Variants in USP6NL observed in about 807,000 individuals in gnomAD.
The protein encoded by USP6NL is USP6 N-terminal like, also known as USP6 N-terminal-like protein.
Under a neutral mutation model 61.9 loss-of-function variants are expected in USP6NL, and 26 were observed. The ratio of observed to expected loss-of-function variants is 0.42; its 90% CI spans 0.31 to 0.58. USP6NL has a LOEUF of 0.58. USP6NL is among the 20% of genes least tolerant of loss of function. The pLI is 0.16. For synonymous variants in USP6NL, 432 were observed against 390.1 expected (o/e 1.11, Z -1.27); for missense variants, 1,114 against 1,034.3 (o/e 1.08, Z -1.06).
intron 2 of USP6NL, among the ~76,000 whole-genome samples, chr10:11,572,988 T>C (rs1837415756): frequency 6.6e-6 from 1 of 152,074 alleles, no homozygotes; most frequent in Admixed American, 6.5e-5. Flanking sequence ...TTTTAAAATG[T>C]TTTCAAAAAT....
chr10:11,462,392 T>C lies in USP6NL; in HGVS notation c.*49A>G, dbSNP rs755405335. 5 of 1,573,178 alleles carry C rather than the reference T, an allele frequency of 3.2e-6. No individual in the cohort carries two copies. The highest frequency in any genetic ancestry group is 4.3e-6 in the Non-Finnish European group (5 of 1,159,450). On this transcript the variant is annotated 3_prime_UTR_variant, in exon 15 of 15. Coordinates refer to ENST00000609104, the MANE Select transcript of USP6NL (RefSeq NM_014688.5). ...TTTGGCAATTATGAACATAGCAATG[T>C]AGGTTTCACGTGGTTTCTCTCTCGT...
rs774836749 is a variant in USP6NL, at chr10:11,518,571, C to T, written c.159G>A (p.Glu53=). 5.6e-6 allele frequency: 9 copies of T among 1,612,262 alleles called. 1 individual carries two copies. In the South Asian group the frequency reaches 8.8e-5, roughly 16 times the overall value. Residue 53 remains glutamate (E), a synonymous_variant, in exon 5 of 15, where the codon GAG becomes GAA. Coordinates refer to ENST00000609104, the MANE Select transcript of USP6NL (RefSeq NM_014688.5). This position sits in a 1 kb window ranked among gnomAD's most constrained non-coding sequence, Gnocchi z 5.3. ...CCACATTATGATCTGGGAGCTCCTC[C>T]TCACTGCAGAGGAAAAACAGTATTA... is the stretch of plus-strand genomic sequence containing the variant. ...KVTDRFGFLH[E]EELPDHNVAV...
chr10:11,477,296 G>A (rs1051731918), intron 14 of USP6NL, among the ~76,000 whole-genome samples: 2 of 152,194 alleles, frequency 1.3e-5, no homozygotes, highest in African/African-American at 4.8e-5. Flanking sequence ...TTATCAAAGA[G>A]CAGGAGAAGG....
intron 6 of USP6NL, among the ~76,000 whole-genome samples, chr10:11,503,919 C>A: frequency 6.6e-6 from 1 of 152,068 alleles, no homozygotes; most frequent in Non-Finnish European, 1.5e-5. Flanking sequence ...ATGACCACGG[C>A]CCATGGTTTT....
Position 11,484,982 on chromosome 10 carries a change from T to C in USP6NL, c.914A>G (p.Lys305Arg). Residue 305 changes from lysine (K) to arginine (R), a missense_variant, in exon 13 of 15, where the codon AAA becomes AGA. Physicochemically the swap from Lys to Arg is conservative, Grantham distance 26. Coordinates refer to ENST00000609104, the MANE Select transcript of USP6NL (RefSeq NM_014688.5). The part of the protein sequence containing the change: ...VLTAMSYTIL[K>R]LHKKHLMKLS... ...AAGCATTTTCTTACTTTTGTGTAAT[T>C]TTAAGATGGTGTAAGACATAGCAGT... 1 of 1,525,940 alleles carries C rather than the reference T, an allele frequency of 6.6e-7. No individual in the cohort carries two copies. Among genetic ancestry groups the C allele is most frequent in the Non-Finnish European group, 8.8e-7 (1 of 1,140,212 alleles). The allele number at this position is 1,525,940 out of a possible 1,614,324, so 94.5% of individuals were successfully genotyped here.
chr10:11,486,517 T>C (rs551027640), intron 10 of USP6NL, among the ~76,000 whole-genome samples: 2 of 152,322 alleles, frequency 1.3e-5, no homozygotes, highest in African/African-American at 4.8e-5. Context: ...AAATTACAAA[T>C]GGTTAGCATT....
At position 11,462,521 on chromosome 10, in the gene USP6NL, G is replaced by T; in HGVS notation, c.2407C>A (p.Pro803Thr). Residue 803 changes from proline (P) to threonine (T), a missense_variant, in exon 15 of 15, where the codon CCA becomes ACA. Coordinates refer to ENST00000609104, the MANE Select transcript of USP6NL (RefSeq NM_014688.5). ...GCTGGAGGCGGGGGCCCTGAATATGGATATCCAGATGGACTGGCATCTTCT... is the reference window on the plus strand; with the variant it reads ...GCTGGAGGCGGGGGCCCTGAATATGTATATCCAGATGGACTGGCATCTTCT... ...AAEDASPSGY[P>T]YSGPPPPAYH... 6.2e-7 allele frequency: 1 copy of T among 1,614,028 alleles called. No individual in the cohort carries two copies. The highest frequency in any genetic ancestry group is 2.2e-5 in the East Asian group (1 of 44,882).
chr10:11,543,803 GTTTT>G (rs781443038), intron 2 of USP6NL, among the ~76,000 whole-genome samples: 1 of 76,392 alleles, frequency 1.3e-5, no homozygotes, highest in East Asian at 5.0e-4. Flanking sequence ...AAATATTTAG[GTTTT>G]TTTTTTTTTT....
rs1005728417 is a variant in USP6NL at position 11,561,446 on chromosome 10, C to T, written c.5-33879G>A. The stretch of plus-strand genomic sequence containing the variant: ...GTGCACAAGAACATATACGAACACA[C>T]GCATATGTATAAGGCACACAACAGA... On this transcript the variant is annotated intron_variant, in intron 2 of 14. Coordinates refer to ENST00000609104, the MANE Select transcript of USP6NL (RefSeq NM_014688.5). This position sits in a 1 kb window ranked among gnomAD's most constrained non-coding sequence, Gnocchi z 4.1. Among the ~76,000 whole-genome samples, 3 of 152,168 alleles carry T rather than the reference C, an allele frequency of 2.0e-5. No homozygotes were observed. Among genetic ancestry groups the T allele is most frequent in the African/African-American group, 7.2e-5 (3 of 41,444 alleles).
intron 2 of USP6NL, among the ~76,000 whole-genome samples, chr10:11,593,918 G>A (rs2133652189): frequency 6.6e-6 from 1 of 152,204 alleles, no homozygotes; most frequent in Middle Eastern, 3.4e-3. Flanking sequence ...GAAAGGGCTG[G>A]GAAACACTGC....
At chr10:11,555,490 A>T (rs1836677408) in intron 2 of USP6NL, among the ~76,000 whole-genome samples, 1 of 142,888 alleles carries the variant, frequency 7.0e-6, no homozygotes, top group Non-Finnish European at 1.5e-5. Context: ...AGAGAGAGAG[A>T]GAGAAGAGGA....
chr10:11,498,429 T>A (rs868518051), intron 7 of USP6NL, among the ~76,000 whole-genome samples: 3 of 151,408 alleles, frequency 2.0e-5, no homozygotes, highest in South Asian at 4.2e-4. Flanking sequence ...ACATATTAGA[T>A]GGGAGCAGCC....
At chr10:11,514,749 G>A (rs1049655217) in intron 5 of USP6NL, among the ~76,000 whole-genome samples, 1 of 152,182 alleles carries the variant, frequency 6.6e-6, no homozygotes, top group African/African-American at 2.4e-5. Flanking sequence ...TTTGGGCACT[G>A]GATGTGCTTC....
At chr10:11,467,141 T>C (rs1832501820) in intron 14 of USP6NL, among the ~76,000 whole-genome samples, 1 of 152,116 alleles carries the variant, frequency 6.6e-6, no homozygotes. Context: ...TTCATCCAAG[T>C]GACTGGTAAC....
Position 11,511,175 on chromosome 10 carries a change from CTT to C in USP6NL, c.196-1502_196-1501del, listed in dbSNP as rs1333346720. Among the ~76,000 whole-genome samples, 2 of 152,186 alleles carry C rather than the reference CTT, an allele frequency of 1.3e-5. No homozygotes were observed. Among genetic ancestry groups the C allele is most frequent in the Non-Finnish European group, 2.9e-5 (2 of 68,024 alleles). ...TCTTAAAACTCTCAATTACCTAACT[CTT>C]TTTAAAATTTTTGATGGGTTTCTCA... On this transcript the variant is annotated intron_variant, in intron 5 of 14. Coordinates refer to ENST00000609104, the MANE Select transcript of USP6NL (RefSeq NM_014688.5). The surrounding 1 kb of genome is among the most constrained non-coding windows in gnomAD (Gnocchi z 4.9).
chr10:11,564,804 T>C (rs1217509201), intron 2 of USP6NL: 1 of 152,212 alleles, frequency 6.6e-6, no homozygotes, highest in Non-Finnish European at 1.5e-5. Flanking sequence ...TACCTTCAAT[T>C]ACATTGCAGG....
rs1269105339 is a variant in USP6NL, at chr10:11,510,309, C to G, written c.196-634G>C. On this transcript the variant is annotated intron_variant, in intron 5 of 14. Transcript: ENST00000609104. This position sits in a 1 kb window ranked among gnomAD's most constrained non-coding sequence, Gnocchi z 4.8. ...GGGCAGTCAAATCCACCTAGGCATG[C>G]CAGAGAAAATGATCCCAAAATGAGG... Among the ~76,000 whole-genome samples, 1 of 151,974 alleles carries G rather than the reference C, an allele frequency of 6.6e-6. No individual in the cohort carries two copies. The highest frequency in any genetic ancestry group is 1.9e-4 in the East Asian group (1 of 5,202).
Position 11,463,637 on chromosome 10 carries a change from G to A in USP6NL, c.1291C>T (p.Pro431Ser), listed in dbSNP as rs747374599. Reference protein sequence around the residue: ...RTGTPERAQPPRRKSVEEESK... With the variant: ...RTGTPERAQPSRRKSVEEESK... The stretch of plus-strand genomic sequence containing the variant: ...TCCTCCTCCACCGATTTCCGTCTTG[G>A]CGGCTGTGCTCTCTCGGGCGTCCCG... The change falls in exon 15 of 15, where the codon CCA (proline) becomes TCA (serine). Residue 431 changes from proline (P) to serine (S), a missense_variant. Pro to Ser is a moderately conservative substitution (Grantham distance 74). Coordinates refer to ENST00000609104, the MANE Select transcript of USP6NL (RefSeq NM_014688.5). This position sits in a 1 kb window ranked among gnomAD's most constrained non-coding sequence, Gnocchi z 6.3. 4.3e-6 allele frequency: 7 copies of A among 1,613,948 alleles called. No homozygotes were observed. The highest frequency in any genetic ancestry group is 5.9e-6 in the Non-Finnish European group (7 of 1,179,870).
intron 2 of USP6NL, among the ~76,000 whole-genome samples, chr10:11,533,886 C>A (rs1188007326): frequency 6.6e-6 from 1 of 152,176 alleles, no homozygotes. Context: ...ACAGGAAGAA[C>A]TGACAAAGAC....
Sources: gnomAD v4.1 joint callset for allele counts (sites outside exome capture counted in the v4.1 genomes callset) on GRCh38, gnomAD v4.1.1 for gene constraint, Gnocchi (gnomAD v3.1) non-coding constraint, MANE v1.5 for transcripts, NCBI Gene and HGNC (gene_info 2026-07-23, HGNC 2026-07-21) for gene names.